Variants in WWOX observed in about 807,000 individuals in gnomAD.
The protein encoded by WWOX is WW domain containing oxidoreductase.
WWOX carries 69 observed loss-of-function variants against 46.2 expected under a neutral mutation model. The observed-to-expected ratio is 1.49, with a 90% CI of 1.23 to 1.82. WWOX has a LOEUF of 1.82. Ranked by LOEUF, WWOX falls within the 40% of genes most tolerant of loss-of-function variation. The pLI is 0.00. For missense variants in WWOX, 919 were observed against 542.6 expected, an observed-to-expected ratio of 1.69 and a Z score of -6.89; for synonymous variants, 359 against 202.6, an observed-to-expected ratio of 1.77 and a Z score of -6.56.
At chr16:78,918,266 A>G (rs2045298550) in intron 8 of WWOX, among the ~76,000 whole-genome samples, 1 of 152,154 alleles carries the variant, frequency 6.6e-6, no homozygotes, top group African/African-American at 2.4e-5. Context: ...ATAAAACATA[A>G]GAAAAAAATA....
At chr16:79,165,340 T>G (rs2050572992) in intron 8 of WWOX, among the ~76,000 whole-genome samples, 1 of 152,172 alleles carries the variant, frequency 6.6e-6, no homozygotes, top group African/African-American at 2.4e-5. Context: ...CTTGCCTGTT[T>G]GAAGCAGGTG....
chr16:78,588,420 A>C (rs2045270647), intron 8 of WWOX, among the ~76,000 whole-genome samples: 1 of 152,192 alleles, frequency 6.6e-6, no homozygotes, highest in African/African-American at 2.4e-5. Flanking sequence ...TACTCAGATG[A>C]GGCTTGCTCT....
chr16:78,641,944 A>G (rs2046724914), intron 8 of WWOX, among the ~76,000 whole-genome samples: 2 of 152,210 alleles, frequency 1.3e-5, no homozygotes, highest in Admixed American at 1.3e-4. Context: ...AGACACGGAA[A>G]AAAGGATTAT....
chr16:78,860,302 G>T (rs1044395499), intron 8 of WWOX, among the ~76,000 whole-genome samples: 1 of 152,130 alleles, frequency 6.6e-6, no homozygotes, highest in African/African-American at 2.4e-5. Context: ...ATGAATAGTG[G>T]CCTACTTCTG....
intron 8 of WWOX, among the ~76,000 whole-genome samples, chr16:78,768,893 G>T (rs1351287886): frequency 6.6e-6 from 1 of 152,184 alleles, no homozygotes; most frequent in African/African-American, 2.4e-5. Context: ...TTGTTTGTAA[G>T]CAGGAAGCTG....
chr16:78,547,127 G>GAAAAAAAAAAAAAAAA (rs199726097), intron 8 of WWOX, among the ~76,000 whole-genome samples: 9 of 87,516 alleles, frequency 1.0e-4, no homozygotes, highest in African/African-American at 6.2e-4. Flanking sequence ...CCTTGTCTCA[G>GAAAAAAAAAAAAAAAA]AAAAAAAAAA....
chr16:79,003,314 CG>C lies in WWOX; in HGVS notation c.1057-208290del, dbSNP rs369728641. Among the ~76,000 whole-genome samples, 1,325 of 152,194 alleles carry C rather than the reference CG, an allele frequency of 8.7e-3. 20 individuals carry two copies. Among genetic ancestry groups the C allele is most frequent in the African/African-American group, 0.031 (1,279 of 41,514 alleles). On this transcript the variant is annotated intron_variant, in intron 8 of 8. Coordinates refer to ENST00000566780, the MANE Select transcript of WWOX (RefSeq NM_016373.4). ...CTATTGTCACAAGGAATGGGAGGAA[CG>C]GGGACGTGATCTAACATTTGCTGAG...
intron 5 of WWOX, among the ~76,000 whole-genome samples, chr16:78,324,812 G>C (rs57912849): frequency 0.12 from 18,202 of 150,684 alleles, 1,450 homozygotes; most frequent in East Asian, 0.23. Flanking sequence ...AGGAGGGGTA[G>C]AGGTGAAGGT....
chr16:78,774,594 G>C (rs2050145171), intron 8 of WWOX, among the ~76,000 whole-genome samples: 1 of 151,758 alleles, frequency 6.6e-6, no homozygotes, highest in African/African-American at 2.4e-5. Context: ...ATGCACATAA[G>C]ATAGCATAAG....
At chr16:78,882,691 G>C (rs910864809) in intron 8 of WWOX, among the ~76,000 whole-genome samples, 1 of 151,988 alleles carries the variant, frequency 6.6e-6, no homozygotes, top group Admixed American at 6.6e-5. Flanking sequence ...GTTTCACCTT[G>C]CTGGCCAGGC....
chr16:78,413,362 T>C (rs1241519621), intron 6 of WWOX, among the ~76,000 whole-genome samples: 2 of 152,134 alleles, frequency 1.3e-5, no homozygotes, highest in Non-Finnish European at 2.9e-5. Flanking sequence ...GGGCTGAGTC[T>C]GAAAAAGGAG....
intron 5 of WWOX, among the ~76,000 whole-genome samples, chr16:78,187,634 G>A (rs770068453): frequency 1.3e-5 from 2 of 152,124 alleles, no homozygotes; most frequent in African/African-American, 2.4e-5. Flanking sequence ...AAAAAAAGAC[G>A]CAAAGGAGCT....
At chr16:78,824,039 C>A (rs2051580558) in intron 8 of WWOX, among the ~76,000 whole-genome samples, 1 of 152,040 alleles carries the variant, frequency 6.6e-6, no homozygotes, top group African/African-American at 2.4e-5. Context: ...TAGACGTGTT[C>A]ATTGTAGGTT....
chr16:79,138,859 C>G (rs1041906405), intron 8 of WWOX, among the ~76,000 whole-genome samples: 1 of 152,154 alleles, frequency 6.6e-6, no homozygotes, highest in African/African-American at 2.4e-5. Context: ...TCCATAGATG[C>G]CTTAAAGATA....
intron 8 of WWOX, among the ~76,000 whole-genome samples, chr16:79,133,112 A>G (rs2049913936): frequency 6.6e-6 from 1 of 152,240 alleles, no homozygotes; most frequent in Non-Finnish European, 1.5e-5. Flanking sequence ...TTCGTCTTAC[A>G]TAAAGCCCCT....
chr16:78,467,502 G>T (rs1392254152), intron 8 of WWOX, among the ~76,000 whole-genome samples: 1 of 152,034 alleles, frequency 6.6e-6, no homozygotes, highest in Non-Finnish European at 1.5e-5. Flanking sequence ...TTCTTTTATT[G>T]TTTATTGACT....
At chr16:78,276,758 C>T (rs539650950) in intron 5 of WWOX, among the ~76,000 whole-genome samples, 1 of 152,170 alleles carries the variant, frequency 6.6e-6, no homozygotes, top group Non-Finnish European at 1.5e-5. Flanking sequence ...CCACACCTGG[C>T]AATTTGGTGA....
At chr16:79,024,077 C>A (rs184116713) in intron 8 of WWOX, among the ~76,000 whole-genome samples, 178 of 152,254 alleles carry the variant, frequency 1.2e-3, no homozygotes, top group African/African-American at 4.1e-3. Context: ...AGAAAGCAAG[C>A]TAGTGATTGC....
intron 8 of WWOX, among the ~76,000 whole-genome samples, chr16:78,441,497 C>T (rs11863807): frequency 0.064 from 9,790 of 152,112 alleles, 485 homozygotes; most frequent in South Asian, 0.16. Context: ...CCCCCAAGGT[C>T]CCCCAGGCTC....
Sources: allele counts gnomAD v4.1 joint callset (sites outside exome capture counted in the v4.1 genomes callset), GRCh38; gene constraint gnomAD v4.1.1; transcripts MANE v1.5; gene names NCBI Gene and HGNC (gene_info 2026-07-23, HGNC 2026-07-21).